TMEM132B: variants seen among roughly 807,000 people sequenced by gnomAD.
TMEM132B encodes the protein transmembrane protein 132B.
TMEM132B carries 18 observed loss-of-function variants against 90.8 expected under a neutral mutation model. The observed-to-expected ratio is 0.20, with a 90% CI of 0.14 to 0.29. The LOEUF (loss-of-function observed/expected upper bound fraction) is 0.29, where lower values mean the gene tolerates loss of function less well. Among genes scored for constraint, TMEM132B ranks in the 10% least tolerant of loss-of-function variants. The pLI is 1.00. For missense variants in TMEM132B, 1,096 were observed against 1,326.8 expected (o/e 0.83, Z 2.70); for synonymous variants, 504 against 523.3 (o/e 0.96, Z 0.50).
intron 2 of TMEM132B, among the ~76,000 whole-genome samples, chr12:125,386,689 G>A (rs910307869): frequency 6.6e-6 from 1 of 152,220 alleles, no homozygotes. Flanking sequence ...AGAGGGAAGA[G>A]CAAGTGCAAA....
Position 125,470,329 on chromosome 12 carries a change from C to T in TMEM132B, c.1107-49110C>T, listed in dbSNP as rs188956760. On this transcript the variant is annotated intron_variant, in intron 3 of 8. Coordinates refer to ENST00000682704, the MANE Select transcript of TMEM132B (RefSeq NM_001366854.1). ...CGTCTCTGGCCCAGGAAAGACTTGT[C>T]TACTACAGAGTGGTCTTTGCTGCAG... Among the ~76,000 whole-genome samples the T allele has an allele frequency of 9.2e-5, 14 of 152,332 alleles. No individual in the cohort carries two copies. In the East Asian group the frequency reaches 1.5e-3, roughly 17 times the overall value.
At chr12:125,217,265 G>A (rs1441984900) in intron 1 of TMEM132B, among the ~76,000 whole-genome samples, 2 of 152,148 alleles carry the variant, frequency 1.3e-5, no homozygotes, top group Admixed American at 6.5e-5. Context: ...GGAGGGTGGG[G>A]AAGAGAGGCC....
chr12:125,282,027 CAAAAAAAAAAAAAAAAA>C (rs869083244), intron 1 of TMEM132B, among the ~76,000 whole-genome samples: 1 of 16,056 alleles, frequency 6.2e-5, no homozygotes, highest in South Asian at 4.7e-3. Flanking sequence ...GACTCCGTCT[CAAAAAAAAAAAAAAAAA>C]AAAAAAAAAA....
chr12:125,641,838 G>A (rs1364873108), intron 5 of TMEM132B, among the ~76,000 whole-genome samples: 2 of 152,128 alleles, frequency 1.3e-5, no homozygotes, highest in African/African-American at 2.4e-5. Context: ...AGGGAGAACC[G>A]TAATTTTCCA....
Position 125,661,936 on chromosome 12 carries a change from G to A in TMEM132B, c.*7226G>A, listed in dbSNP as rs1320373788. The A allele has an allele frequency of 1.3e-5, 2 of 152,180 alleles. No individual in the cohort carries two copies. Among genetic ancestry groups the A allele is most frequent in the African/African-American group, 4.8e-5 (2 of 41,442 alleles). The allele number at this position is 152,180 out of a possible 1,614,324, so 9.4% of individuals were successfully genotyped here. On this transcript the variant is annotated 3_prime_UTR_variant, in exon 9 of 9. Transcript: ENST00000682704. ...ATGTGTGTCTACAGGGCATGCTGTT[G>A]TCTCAAAATTGAAATGTGCATCTTA...
intron 3 of TMEM132B, among the ~76,000 whole-genome samples, chr12:125,426,782 A>G (rs1473797991): frequency 1.3e-5 from 2 of 152,320 alleles, no homozygotes; most frequent in East Asian, 3.9e-4. Context: ...GGACTGTTAC[A>G]GTCCTTTTGA....
In TMEM132B at chr12:125,655,004, T is replaced by C. The variant is rs1315191759; in HGVS notation, c.*294T>C. The C allele has an allele frequency of 1.0e-5, 3 of 290,146 alleles. No individual in the cohort carries two copies. Among genetic ancestry groups the C allele is most frequent in the South Asian group, 1.6e-4 (2 of 12,778 alleles). The allele number at this position is 290,146 out of a possible 1,614,324, so 18.0% of individuals were successfully genotyped here. A position where few individuals can be genotyped will look rare whatever the true frequency, so the allele number is the denominator to read the frequency against. ...GTATTAAACCTGACCCCACAGACAT[T>C]GTTAGTCATCTCGTGACAAATGGCC... is the stretch of plus-strand genomic sequence containing the variant. On this transcript the variant is annotated 3_prime_UTR_variant, in exon 9 of 9. Transcript: ENST00000682704.
At chr12:125,554,162 G>C (rs747498920) in intron 4 of TMEM132B, among the ~76,000 whole-genome samples, 1 of 151,988 alleles carries the variant, frequency 6.6e-6, no homozygotes, top group African/African-American at 2.4e-5. Context: ...GGTGGCTCAC[G>C]CCTGTAATCC....
intron 3 of TMEM132B, among the ~76,000 whole-genome samples, chr12:125,495,215 C>A (rs1882524514): frequency 7.2e-6 from 1 of 139,814 alleles, no homozygotes; most frequent in Admixed American, 7.0e-5. Context: ...CCCTCCTCCC[C>A]CTCCTCCCTG....
At chr12:125,219,319 A>G (rs1182002116) in intron 1 of TMEM132B, among the ~76,000 whole-genome samples, 1 of 152,214 alleles carries the variant, frequency 6.6e-6, no homozygotes, top group East Asian at 1.9e-4. Flanking sequence ...AAGCCCAAGG[A>G]GAGCATCTGG....
chr12:125,590,414 C>CA (rs1429118634), intron 5 of TMEM132B, among the ~76,000 whole-genome samples: 23 of 152,324 alleles, frequency 1.5e-4, no homozygotes, highest in African/African-American at 5.5e-4. Context: ...AATGCTAGAG[C>CA]TTCCCAGAGA....
chr12:125,554,209 G>A (rs1174042773), intron 4 of TMEM132B, among the ~76,000 whole-genome samples: 1 of 151,772 alleles, frequency 6.6e-6, no homozygotes, highest in African/African-American at 2.4e-5. Context: ...GGATCACGAG[G>A]TCAGGAGATT....
At chr12:125,403,088 A>G in intron 2 of TMEM132B, among the ~76,000 whole-genome samples, 1 of 152,198 alleles carries the variant, frequency 6.6e-6, no homozygotes, top group East Asian at 1.9e-4. Flanking sequence ...CATACCCTGC[A>G]AAACTGAGTC....
intron 5 of TMEM132B, among the ~76,000 whole-genome samples, chr12:125,627,318 C>T (rs1231317859): frequency 6.6e-6 from 1 of 151,408 alleles, no homozygotes; most frequent in East Asian, 1.9e-4. Context: ...TTTTTTTCTC[C>T]CTGGGGGTGT....
intron 3 of TMEM132B, among the ~76,000 whole-genome samples, chr12:125,423,071 C>T (rs998843733): frequency 6.6e-6 from 1 of 152,090 alleles, no homozygotes; most frequent in African/African-American, 2.4e-5. Flanking sequence ...TTCCCTAGCC[C>T]TTACCCCAGT....
intron 4 of TMEM132B, among the ~76,000 whole-genome samples, chr12:125,531,713 T>C (rs547161677): frequency 5.9e-5 from 9 of 152,382 alleles, no homozygotes; most frequent in African/African-American, 2.2e-4. Flanking sequence ...CTCAGTTATA[T>C]ACGCACCATT....
intron 5 of TMEM132B, among the ~76,000 whole-genome samples, chr12:125,624,320 A>G (rs1886178515): frequency 6.6e-6 from 1 of 152,226 alleles, no homozygotes; most frequent in South Asian, 2.1e-4. Flanking sequence ...AGGACCTGCC[A>G]GTTGCCAGCT....
At chr12:125,268,027 C>T (rs1218914785) in intron 1 of TMEM132B, among the ~76,000 whole-genome samples, 1 of 152,128 alleles carries the variant, frequency 6.6e-6, no homozygotes, top group African/African-American at 2.4e-5. Context: ...AGGAGGATGG[C>T]TTGAGCCCAG....
intron 5 of TMEM132B, among the ~76,000 whole-genome samples, chr12:125,628,964 T>C (rs1339858371): frequency 6.6e-6 from 1 of 152,114 alleles, no homozygotes; most frequent in Non-Finnish European, 1.5e-5. Flanking sequence ...ACTGTAGGTG[T>C]GTGGATTTGT....
Sources: allele counts gnomAD v4.1 joint callset (sites outside exome capture counted in the v4.1 genomes callset), GRCh38; gene constraint gnomAD v4.1.1; transcripts MANE v1.5; gene names NCBI Gene and HGNC (gene_info 2026-07-23, HGNC 2026-07-21).